CAMK2D: variants seen among roughly 807,000 people sequenced by gnomAD.
CAMK2D encodes the protein calcium/calmodulin-dependent protein kinase type II subunit delta.
CAMK2D carries 37 observed loss-of-function variants against 84.0 expected under a neutral mutation model. The observed-to-expected ratio is 0.44, with a 90% confidence interval of 0.34 to 0.58. The LOEUF (loss-of-function observed/expected upper bound fraction) is 0.58. Ranked by LOEUF, CAMK2D falls within the 20% of genes least tolerant of loss-of-function variation. The pLI is 0.02. For synonymous variants in CAMK2D, 202 were observed against 212.5 expected, an observed-to-expected ratio of 0.95 and a Z score of 0.43; for missense variants, 448 against 652.5, an observed-to-expected ratio of 0.69 and a Z score of 3.41.
At chr4:113,608,218 G>A (rs989105390) in intron 4 of CAMK2D, among the ~76,000 whole-genome samples, 4 of 152,170 alleles carry the variant, frequency 2.6e-5, no homozygotes, top group Non-Finnish European at 4.4e-5. Context: ...TGGAAAGAAC[G>A]TGGTTTCTTA....
At position 113,501,781 on chromosome 4, in the gene CAMK2D, T is replaced by C. The variant is rs17592053; in HGVS notation, c.1086+1155A>G. 1.5e-3 allele frequency among the ~76,000 whole-genome samples: 231 copies of C among 152,196 alleles called. 5 individuals carry two copies. In the East Asian group the frequency reaches 0.036, roughly 24 times the overall value. On this transcript the variant is annotated intron_variant, in intron 15 of 20. Transcript: ENST00000511664. ...TTACAAATGATATAGCTAGAACTAC[T>C]GAAGTGTCCATTCCAGCTGTTATGC... is the stretch of plus-strand genomic sequence containing the variant.
chr4:113,623,131 C>G (rs1220715791), intron 3 of CAMK2D, among the ~76,000 whole-genome samples: 1 of 151,986 alleles, frequency 6.6e-6, no homozygotes, highest in East Asian at 1.9e-4. Context: ...AAGGTTATAC[C>G]CTTGTTGCCT....
In CAMK2D at chr4:113,661,705, G is replaced by A. The variant is rs774305869; in HGVS notation, c.220+8C>T. On this transcript the variant is annotated splice_region_variant and intron_variant, in intron 3 of 20. Transcript: ENST00000511664. ...AACATTTAAAAAACATTAAAAATAC[G>A]TTCTCACCAATATTAGGGTGCTTCA... 1.1e-5 allele frequency: 14 copies of A among 1,285,198 alleles called. No individual in the cohort carries two copies. The highest frequency in any genetic ancestry group is 4.5e-5 in the African/African-American group (3 of 66,488). The allele number at this position is 1,285,198 out of a possible 1,614,324, so 79.6% of individuals were successfully genotyped here. A position where few individuals can be genotyped will look rare whatever the true frequency, so the allele number is the denominator to read the frequency against.
intron 7 of CAMK2D, among the ~76,000 whole-genome samples, chr4:113,535,605 T>A (rs915875611): frequency 1.3e-5 from 2 of 152,164 alleles, no homozygotes; most frequent in Non-Finnish European, 2.9e-5. Context: ...CTCACTCGAG[T>A]ATACTTTAGC....
At chr4:113,508,526 C>T (rs2098163223) in intron 13 of CAMK2D, among the ~76,000 whole-genome samples, 1 of 152,120 alleles carries the variant, frequency 6.6e-6, no homozygotes, top group African/African-American at 2.4e-5. Context: ...TGTAAGATAC[C>T]ACATTTCTAC....
intron 17 of CAMK2D, among the ~76,000 whole-genome samples, chr4:113,464,059 A>G (rs554482156): frequency 6.6e-6 from 1 of 152,316 alleles, no homozygotes; most frequent in African/African-American, 2.4e-5. Context: ...ATCTGCCACC[A>G]CCACCACCCT....
intron 3 of CAMK2D, among the ~76,000 whole-genome samples, chr4:113,629,551 A>AAT (rs2154284175): frequency 6.6e-6 from 1 of 152,198 alleles, no homozygotes; most frequent in East Asian, 1.9e-4. Context: ...TACTACATGT[A>AAT]ATATACTCTG....
intron 4 of CAMK2D, among the ~76,000 whole-genome samples, chr4:113,561,889 A>G (rs959561055): frequency 6.6e-6 from 1 of 152,210 alleles, no homozygotes; most frequent in African/African-American, 2.4e-5. Flanking sequence ...TACTACACAT[A>G]TCATCAGACA....
At chr4:113,493,525 T>A (rs1392398335) in intron 16 of CAMK2D, among the ~76,000 whole-genome samples, 1 of 152,256 alleles carries the variant, frequency 6.6e-6, no homozygotes, top group African/African-American at 2.4e-5. Context: ...GTTAGTCTGA[T>A]GGGCTTCCCT....
intron 5 of CAMK2D, among the ~76,000 whole-genome samples, chr4:113,549,408 A>C (rs2098607421): frequency 6.6e-6 from 1 of 152,258 alleles, no homozygotes; most frequent in Non-Finnish European, 1.5e-5. Context: ...ATACAAATTT[A>C]CAATCCCCTG....
chr4:113,615,834 G>T (rs1016129267), intron 3 of CAMK2D, among the ~76,000 whole-genome samples: 12 of 151,934 alleles, frequency 7.9e-5, no homozygotes, highest in African/African-American at 2.7e-4. Flanking sequence ...TTTAACATTT[G>T]AGCATAAAAA....
chr4:113,690,706 C>A (rs1359260532), intron 2 of CAMK2D, among the ~76,000 whole-genome samples: 1 of 152,156 alleles, frequency 6.6e-6, no homozygotes, highest in Non-Finnish European at 1.5e-5. Flanking sequence ...TAATGTTGAA[C>A]AATTTCCAGA....
intron 16 of CAMK2D, among the ~76,000 whole-genome samples, chr4:113,483,567 G>A (rs571505568): frequency 4.0e-5 from 6 of 151,720 alleles, no homozygotes; most frequent in African/African-American, 1.2e-4. Context: ...CACCACACCC[G>A]GCTAATTTTC....
At chr4:113,706,869 G>A (rs897386526) in intron 2 of CAMK2D, among the ~76,000 whole-genome samples, 3 of 151,982 alleles carry the variant, frequency 2.0e-5, no homozygotes, top group African/African-American at 7.2e-5. Flanking sequence ...TGTAAAGAAA[G>A]AAAGCATTTT....
chr4:113,710,830 A>C (rs1477134557), intron 2 of CAMK2D, among the ~76,000 whole-genome samples: 1 of 152,196 alleles, frequency 6.6e-6, no homozygotes, highest in African/African-American at 2.4e-5. Context: ...TTCATACTGA[A>C]AAATGGGAAA....
chr4:113,568,509 G>A (rs2098736689), intron 4 of CAMK2D, among the ~76,000 whole-genome samples: 1 of 152,218 alleles, frequency 6.6e-6, no homozygotes, highest in East Asian at 1.9e-4. Context: ...TCCACCTTTT[G>A]GCTATTTTGA....
At chr4:113,549,858 C>T (rs920443674) in intron 5 of CAMK2D, among the ~76,000 whole-genome samples, 1 of 152,248 alleles carries the variant, frequency 6.6e-6, no homozygotes, top group African/African-American at 2.4e-5. Flanking sequence ...GATTTTCTAG[C>T]TCTTTTATTA....
At chr4:113,668,570 T>G (rs2099266694) in intron 2 of CAMK2D, among the ~76,000 whole-genome samples, 1 of 152,182 alleles carries the variant, frequency 6.6e-6, no homozygotes, top group Non-Finnish European at 1.5e-5. Flanking sequence ...ATTATATTAA[T>G]TCCATAAAAA....
At chr4:113,684,045 G>A (rs1007461160) in intron 2 of CAMK2D, among the ~76,000 whole-genome samples, 8 of 152,122 alleles carry the variant, frequency 5.3e-5, no homozygotes, top group African/African-American at 1.4e-4. Flanking sequence ...ATTGTTGAGA[G>A]ATTTATATAT....
Sources: gnomAD v4.1 joint callset for allele counts (sites outside exome capture counted in the v4.1 genomes callset) on GRCh38, gnomAD v4.1.1 for gene constraint, MANE v1.5 for transcripts, NCBI Gene and HGNC (gene_info 2026-07-23, HGNC 2026-07-21) for gene names.